Variants in KCNH7 observed in about 807,000 individuals in gnomAD.
KCNH7 encodes potassium voltage-gated channel subfamily H member 7, also known as voltage-gated inwardly rectifying potassium channel KCNH7.
A neutral mutation model predicts 120.8 loss-of-function variants in KCNH7; 49 were observed. The ratio of observed to expected loss-of-function variants is 0.41; its 90% CI spans 0.32 to 0.51. KCNH7 has a LOEUF of 0.51. KCNH7 is among the 20% of genes least tolerant of loss of function. KCNH7 has a pLI of 0.38. For synonymous variants in KCNH7, 547 were observed against 516.1 expected, an observed-to-expected ratio of 1.06 and a Z score of -0.81; for missense variants, 1,097 against 1,446.6, an observed-to-expected ratio of 0.76 and a Z score of 3.92.
At chr2:162,544,418 T>C (rs141075663) in intron 2 of KCNH7, among the ~76,000 whole-genome samples, 14 of 152,230 alleles carry the variant, frequency 9.2e-5, no homozygotes, top group African/African-American at 2.9e-4. Flanking sequence ...CTATACATGC[T>C]TTAATATGAT....
chr2:162,398,724 G>T (rs1558925672), intron 10 of KCNH7, among the ~76,000 whole-genome samples: 1 of 151,892 alleles, frequency 6.6e-6, no homozygotes, highest in East Asian at 1.9e-4. Context: ...TCTTGTAGAA[G>T]CTAGGACTGG....
At chr2:162,420,775 T>A (rs969908108) in intron 9 of KCNH7, among the ~76,000 whole-genome samples, 2 of 152,206 alleles carry the variant, frequency 1.3e-5, no homozygotes, top group African/African-American at 4.8e-5. Flanking sequence ...TATTTAAGGT[T>A]ATACGTAAAA....
intron 6 of KCNH7, among the ~76,000 whole-genome samples, chr2:162,476,106 A>G (rs905567571): frequency 6.6e-6 from 1 of 152,170 alleles, no homozygotes; most frequent in Non-Finnish European, 1.5e-5. Context: ...TAGAACTCAT[A>G]TGAAGCCTCC....
Position 162,371,806 on chromosome 2 carries a change from G to A in KCNH7, c.*23C>T, listed in dbSNP as rs1685956358. On this transcript the variant is annotated 3_prime_UTR_variant, in exon 16 of 16. Transcript: ENST00000332142. ...GCCATTAAAAGCACTTACATTGTAT[G>A]TGGAGTAAATAGTACAAAATGATTA... 6.3e-7 allele frequency: 1 copy of A among 1,591,680 alleles called. No individual in the cohort carries two copies. Among genetic ancestry groups the A allele is most frequent in the South Asian group, 1.1e-5 (1 of 90,174 alleles).
At chr2:162,522,374 C>T (rs1263463664) in intron 3 of KCNH7, among the ~76,000 whole-genome samples, 1 of 151,844 alleles carries the variant, frequency 6.6e-6, no homozygotes, top group Admixed American at 6.6e-5. Flanking sequence ...TTAGTTTATT[C>T]CTATAGTTTA....
At position 162,539,731 on chromosome 2, in the gene KCNH7, T is replaced by G. The variant is rs568079709; in HGVS notation, c.308-2651A>C. 5.9e-5 allele frequency among the ~76,000 whole-genome samples: 9 copies of G among 152,190 alleles called. No individual in the cohort carries two copies. In the South Asian group the frequency reaches 1.2e-3, roughly 21 times the overall value. Reference sequence around the variant, plus strand: ...CCCACTATCATTGTTTCCTGTACATTTCTATTAAGCAATATATTTCCTCTC... The same window carrying G: ...CCCACTATCATTGTTTCCTGTACATGTCTATTAAGCAATATATTTCCTCTC... On this transcript the variant is annotated intron_variant, in intron 2 of 15. Transcript: ENST00000332142.
intron 2 of KCNH7, among the ~76,000 whole-genome samples, chr2:162,543,090 T>C (rs544349932): frequency 1.6e-4 from 25 of 152,220 alleles, no homozygotes; most frequent in South Asian, 6.2e-4. Flanking sequence ...TTCTCTCATT[T>C]TACCAGTCAC....
chr2:162,713,199 C>T (rs535992150), intron 2 of KCNH7, among the ~76,000 whole-genome samples: 29 of 152,176 alleles, frequency 1.9e-4, no homozygotes, highest in Non-Finnish European at 3.2e-4. Flanking sequence ...ACATAGACGA[C>T]GTATTTACTG....
intron 9 of KCNH7, among the ~76,000 whole-genome samples, chr2:162,414,246 A>G (rs1687476606): frequency 6.6e-6 from 1 of 152,122 alleles, no homozygotes; most frequent in South Asian, 2.1e-4. Context: ...TCTTTAACTC[A>G]AAAATCCCTT....
chr2:162,513,135 AT>A (rs1463921118), intron 4 of KCNH7, among the ~76,000 whole-genome samples: 3 of 150,054 alleles, frequency 2.0e-5, no homozygotes, highest in African/African-American at 7.3e-5. Flanking sequence ...TGTTTCTAAG[AT>A]AACAGTTCCT....
At chr2:162,438,185 T>C (rs1441687824) in intron 7 of KCNH7, among the ~76,000 whole-genome samples, 1 of 152,286 alleles carries the variant, frequency 6.6e-6, no homozygotes, top group East Asian at 1.9e-4. Flanking sequence ...ATGAGCTGTT[T>C]TTATAACATA....
At chr2:162,719,116 CT>C (rs1687236684) in intron 2 of KCNH7, among the ~76,000 whole-genome samples, 1 of 151,982 alleles carries the variant, frequency 6.6e-6, no homozygotes, top group African/African-American at 2.4e-5. Context: ...ATAACAGAGC[CT>C]TAGTTCCTGG....
chr2:162,829,174 A>G (rs1359481394), intron 2 of KCNH7, among the ~76,000 whole-genome samples: 1 of 152,118 alleles, frequency 6.6e-6, no homozygotes, highest in Non-Finnish European at 1.5e-5. Context: ...TTTCCTCACT[A>G]CTATAATTAG....
chr2:162,548,375 G>A (rs1168880674), intron 2 of KCNH7, among the ~76,000 whole-genome samples: 1 of 152,184 alleles, frequency 6.6e-6, no homozygotes, highest in Non-Finnish European at 1.5e-5. Context: ...TGCCCCAGGT[G>A]TGTTCTTCCA....
At chr2:162,688,103 C>T (rs1200615126) in intron 2 of KCNH7, among the ~76,000 whole-genome samples, 1 of 152,134 alleles carries the variant, frequency 6.6e-6, no homozygotes, top group Non-Finnish European at 1.5e-5. Context: ...GAGAGGAATA[C>T]AGGGCTAACT....
At chr2:162,814,939 A>G (rs141416439) in intron 2 of KCNH7, among the ~76,000 whole-genome samples, 2,371 of 152,206 alleles carry the variant, frequency 0.016, 55 homozygotes, top group African/African-American at 0.049. Context: ...CTCCACTCTA[A>G]GACCACATAC....
At chr2:162,669,553 GAC>G (rs1373655210) in intron 2 of KCNH7, among the ~76,000 whole-genome samples, 2 of 152,158 alleles carry the variant, frequency 1.3e-5, no homozygotes. Flanking sequence ...TAATAACAAG[GAC>G]ACTTTTAAAG....
At position 162,636,950 on chromosome 2, in the gene KCNH7, C is replaced by T. The variant is rs147689877; in HGVS notation, c.308-99870G>A. ...CACTTAATCTAGGGACACTTGGCTG[C>T]TTGCCACCACCCTCCCCACCATTCT... On this transcript the variant is annotated intron_variant, in intron 2 of 15. Transcript: ENST00000332142. 2.0e-4 allele frequency among the ~76,000 whole-genome samples: 30 copies of T among 152,206 alleles called. No homozygotes were observed. In the South Asian group the frequency reaches 2.1e-3, roughly 11 times the overall value.
At chr2:162,609,059 A>G (rs1323811926) in intron 2 of KCNH7, among the ~76,000 whole-genome samples, 1 of 151,964 alleles carries the variant, frequency 6.6e-6, no homozygotes, top group East Asian at 1.9e-4. Context: ...CAGCCCCCCA[A>G]CACACACACA....
Sources: allele counts gnomAD v4.1 joint callset (sites outside exome capture counted in the v4.1 genomes callset), GRCh38; gene constraint gnomAD v4.1.1; transcripts MANE v1.5; gene names NCBI Gene and HGNC (gene_info 2026-07-23, HGNC 2026-07-21).